Variants in IL17D observed in about 807,000 individuals in gnomAD.
The protein encoded by IL17D is interleukin 17D, also known as interleukin-17D.
IL17D carries 10 observed loss-of-function variants against 5.7 expected under a neutral mutation model. That is an observed-to-expected ratio of 1.75 (90% CI 1.08 to 2.97). IL17D has a LOEUF of 2.97. IL17D is among the 30% of genes most tolerant of loss of function. The probability of loss-of-function intolerance (pLI) is 0.00; values close to 1 mark genes in which losing one functional copy is unlikely to be tolerated. For missense variants in IL17D, 354 were observed against 292.7 expected, an observed-to-expected ratio of 1.21 and a Z score of -1.53; for synonymous variants, 172 against 141.7, an observed-to-expected ratio of 1.21 and a Z score of -1.52.
chr13:20,707,789 T>C (rs564566423), intron 1 of IL17D, among the ~76,000 whole-genome samples: 1 of 152,336 alleles, frequency 6.6e-6, no homozygotes, highest in South Asian at 2.1e-4. Context: ...CCTCTCATAG[T>C]GCTGGGATTA....
upstream of IL17D, chr13:20,703,503 G>A: frequency 1.1e-6 from 1 of 873,688 alleles, no homozygotes. Flanking sequence ...ACCCTGCGCG[G>A]GCTGGCTGGG....
Position 20,704,223 on chromosome 13 carries a change from G to T in IL17D, c.222G>T (p.Gly74=). 7.5e-7 allele frequency: 1 copy of T among 1,341,756 alleles called. No individual in the cohort carries two copies. The highest frequency in any genetic ancestry group is 9.6e-7 in the Non-Finnish European group (1 of 1,046,180). 83.1% of individuals were successfully genotyped at this position (1,341,756 alleles called of 1,614,324 possible). A position where few individuals can be genotyped will look rare whatever the true frequency, so the allele number is the denominator to read the frequency against. The change falls in exon 1 of 2, where the codon GGG becomes GGT. Residue 74 remains glycine, a synonymous_variant. Coordinates refer to ENST00000682841, the MANE Select transcript of IL17D (RefSeq NM_001385224.1). ...CGCGCAACGCGAGCTGCCCGGCAGGGGGCAGGCCCGCCGACCGCCGCTTCC... is the reference window on the plus strand; with the variant it reads ...CGCGCAACGCGAGCTGCCCGGCAGGTGGCAGGCCCGCCGACCGCCGCTTCC... The part of the protein sequence containing the change: ...EQARNASCPA[G]GRPADRRFRP...
intron 1 of IL17D, among the ~76,000 whole-genome samples, chr13:20,710,752 C>T (rs893819363): frequency 6.6e-6 from 1 of 151,282 alleles, no homozygotes; most frequent in Non-Finnish European, 1.5e-5. Flanking sequence ...TAACTTTTCT[C>T]TAGGTTATGA....
In IL17D at chr13:20,704,211, C is replaced by A; in HGVS notation, c.210C>A (p.Ser70Arg). ...LGPREQARNA[S>R]CPAGGRPADR... ...CGCGTGAGCAGGCGCGCAACGCGAG[C>A]TGCCCGGCAGGGGGCAGGCCCGCCG... Residue 70 changes from serine (S) to arginine (R), a missense_variant, in exon 1 of 2, where the codon AGC becomes AGA. By Grantham distance (110) the Ser-to-Arg change is moderately radical. Transcript: ENST00000682841. The A allele has an allele frequency of 7.3e-7, 1 of 1,370,826 alleles. No homozygotes were observed. Among genetic ancestry groups the A allele is most frequent in the Non-Finnish European group, 9.5e-7 (1 of 1,056,906 alleles). 84.9% of individuals were successfully genotyped at this position (1,370,826 alleles called of 1,614,324 possible). A position where few individuals can be genotyped will look rare whatever the true frequency, so the allele number is the denominator to read the frequency against.
chr13:20,705,512 T>C (rs935956569), intron 1 of IL17D, among the ~76,000 whole-genome samples: 4 of 151,974 alleles, frequency 2.6e-5, no homozygotes, highest in Admixed American at 6.6e-5. Flanking sequence ...CTGGGAAACA[T>C]AGCGAGATCC....
At chr13:20,701,957 G>A (rs1312496840), upstream of IL17D, 3 of 152,166 alleles carry the variant, frequency 2.0e-5, no homozygotes, top group Non-Finnish European at 4.4e-5. Context: ...TTACCAGACA[G>A]TGGAAAATAC....
chr13:20,718,340 A>G (rs980268584), intron 1 of IL17D, among the ~76,000 whole-genome samples: 3 of 152,056 alleles, frequency 2.0e-5, no homozygotes, highest in Admixed American at 6.5e-5. Flanking sequence ...CAACCTGTCC[A>G]TGCTTACACA....
At position 20,722,032 on chromosome 13, in the gene IL17D, G is replaced by C; in HGVS notation, c.*78G>C. On this transcript the variant is annotated 3_prime_UTR_variant, in exon 2 of 2. Transcript: ENST00000682841. ...CTGGAGCCGCCTGGAGGGCTCGGTCGGCGACCTCTGAAGAGAGTGCACCGA... is the reference window on the plus strand; with the variant it reads ...CTGGAGCCGCCTGGAGGGCTCGGTCCGCGACCTCTGAAGAGAGTGCACCGA... 7.9e-7 allele frequency: 1 copy of C among 1,264,958 alleles called. No homozygotes were observed. The highest frequency in any genetic ancestry group is 1.1e-6 in the Non-Finnish European group (1 of 939,334). 78.4% of individuals were successfully genotyped at this position (1,264,958 alleles called of 1,614,324 possible).
upstream of IL17D, chr13:20,702,130 G>A (rs1053656650): frequency 6.6e-6 from 1 of 152,102 alleles, no homozygotes; most frequent in African/African-American, 2.4e-5. Flanking sequence ...AGCAGTATTT[G>A]AGTACTGAAA....
intron 1 of IL17D, among the ~76,000 whole-genome samples, chr13:20,718,562 T>A (rs1467314933): frequency 7.2e-5 from 3 of 41,576 alleles, no homozygotes; most frequent in Non-Finnish European, 1.3e-4. Flanking sequence ...CACCCACACA[T>A]ACCTGCCCAT....
chr13:20,704,781 G>A (rs1428810479), intron 1 of IL17D, among the ~76,000 whole-genome samples: 30 of 152,008 alleles, frequency 2.0e-4, no homozygotes, highest in Admixed American at 2.0e-3. Flanking sequence ...CTGCACAGGG[G>A]GCCCGGGGAG....
intron 1 of IL17D, among the ~76,000 whole-genome samples, chr13:20,718,689 T>TACAC (rs138583770): frequency 0.5 from 36,646 of 73,844 alleles, 8,602 homozygotes; most frequent in Non-Finnish European, 0.57. Flanking sequence ...CCTGCCCACT[T>TACAC]ACACGCCCAC....
chr13:20,720,729 T>A (rs1378824758), intron 1 of IL17D, among the ~76,000 whole-genome samples: 2 of 152,082 alleles, frequency 1.3e-5, no homozygotes, highest in Non-Finnish European at 2.9e-5. Flanking sequence ...ATTCAAACAG[T>A]GGACTAGTGC....
chr13:20,719,321 T>C (rs2058713668), intron 1 of IL17D, among the ~76,000 whole-genome samples: 1 of 130,180 alleles, frequency 7.7e-6, no homozygotes, highest in African/African-American at 3.0e-5. Context: ...CTGCCCATAC[T>C]CAGATGCCCA....
intron 1 of IL17D, among the ~76,000 whole-genome samples, chr13:20,714,769 A>G (rs1436306226): frequency 2.0e-5 from 3 of 152,092 alleles, no homozygotes; most frequent in Admixed American, 2.0e-4. Context: ...GAAATGCACG[A>G]CTGATGTTTT....
chr13:20,718,921 A>C (rs374202527), intron 1 of IL17D, among the ~76,000 whole-genome samples: 1,461 of 43,488 alleles, frequency 0.034, no homozygotes, highest in Middle Eastern at 0.081. Flanking sequence ...CTCACACACC[A>C]ACACACACCT....
chr13:20,722,674 A>C lies in IL17D; in HGVS notation c.*720A>C, dbSNP rs912378918. 15 of 152,216 alleles carry C rather than the reference A, an allele frequency of 9.9e-5. No homozygotes were observed. Among genetic ancestry groups the C allele is most frequent in the Admixed American group, 9.2e-4 (14 of 15,280 alleles). The allele number at this position is 152,216 out of a possible 1,614,324, so 9.4% of individuals were successfully genotyped here. ...GCCTCCAGGTGGACCAAAGGGATGC[A>C]CAGGCGGCTCGCATGCCCCAGGGCC... is the stretch of plus-strand genomic sequence containing the variant. On this transcript the variant is annotated 3_prime_UTR_variant, in exon 2 of 2. Transcript: ENST00000682841.
intron 1 of IL17D, among the ~76,000 whole-genome samples, chr13:20,708,728 G>A (rs529297099): frequency 3.3e-5 from 5 of 151,716 alleles, no homozygotes; most frequent in East Asian, 1.9e-4. Flanking sequence ...GGCCGGGTGC[G>A]GTGGCTCACG....
At chr13:20,713,359 C>G (rs1290891025) in intron 1 of IL17D, 1 of 152,088 alleles carries the variant, frequency 6.6e-6, no homozygotes, top group African/African-American at 2.4e-5. Context: ...TATTTTCCCC[C>G]TAAAATGTTT....
Sources: allele counts gnomAD v4.1 joint callset (sites outside exome capture counted in the v4.1 genomes callset), GRCh38; gene constraint gnomAD v4.1.1; transcripts MANE v1.5; gene names NCBI Gene and HGNC (gene_info 2026-07-23, HGNC 2026-07-21).